The following TANC2 variants were observed in gnomAD, a reference collection of about 807,000 sequenced individuals.
The protein encoded by TANC2 is protein TANC2.
Under a neutral mutation model 210.5 loss-of-function variants are expected in TANC2, and 26 were observed. The observed-to-expected ratio is 0.12, with a 90% CI of 0.09 to 0.17. The LOEUF is 0.17. Among genes scored for constraint, TANC2 ranks in the 10% least tolerant of loss-of-function variants. The pLI is 1.00. For synonymous variants in TANC2, 931 were observed against 967.1 expected, an observed-to-expected ratio of 0.96 and a Z score of 0.69; for missense variants, 2,129 against 2,608.9, an observed-to-expected ratio of 0.82 and a Z score of 4.01.
rs567465203 is a variant in TANC2 at position 63,292,294 on chromosome 17, T to C, written c.1160-22094T>C. On this transcript the variant is annotated intron_variant, in intron 9 of 27. Transcript: ENST00000689528. ...AAAGATGGGCAGAAAGCAGGAGTCA[T>C]TAAAGATATATCAGGAGGAGAAGAC... 3.9e-5 allele frequency among the ~76,000 whole-genome samples: 6 copies of C among 152,156 alleles called. No individual in the cohort carries two copies. In the South Asian group the frequency reaches 1.2e-3, roughly 32 times the overall value.
intron 4 of TANC2, among the ~76,000 whole-genome samples, chr17:63,116,662 T>C (rs1463030097): frequency 1.3e-5 from 2 of 152,238 alleles, no homozygotes; most frequent in Non-Finnish European, 2.9e-5. Context: ...TGCTACTTTA[T>C]TAGTCAATCA....
chr17:63,289,949 C>G (rs112842258), intron 9 of TANC2, among the ~76,000 whole-genome samples: 11 of 152,106 alleles, frequency 7.2e-5, no homozygotes, highest in East Asian at 1.9e-4. Context: ...TCCTTCCCCC[C>G]CTTCAGTGGG....
At chr17:63,388,223 G>A (rs1249838508) in intron 15 of TANC2, 2 of 153,888 alleles carry the variant, frequency 1.3e-5, no homozygotes, top group Non-Finnish European at 2.9e-5. Context: ...TAACTGTAAA[G>A]GAGCCTGGGA....
At chr17:63,234,318 A>G (rs957750611) in intron 7 of TANC2, among the ~76,000 whole-genome samples, 8 of 152,172 alleles carry the variant, frequency 5.3e-5, no homozygotes, top group East Asian at 1.9e-4. Context: ...ATGTCCTCTC[A>G]TTACATTTTT....
At chr17:63,211,169 A>T (rs976674593) in intron 7 of TANC2, among the ~76,000 whole-genome samples, 8 of 152,188 alleles carry the variant, frequency 5.3e-5, no homozygotes, top group African/African-American at 1.7e-4. Flanking sequence ...TTGAAAATCA[A>T]TTACTCATTT....
intron 8 of TANC2, among the ~76,000 whole-genome samples, chr17:63,261,112 G>A (rs532775513): frequency 7.8e-4 from 118 of 152,114 alleles, no homozygotes; most frequent in Non-Finnish European, 1.3e-3. Flanking sequence ...AGTGGTGTGC[G>A]CCTGCCTTAG....
chr17:63,232,637 G>A (rs796226738), intron 7 of TANC2, among the ~76,000 whole-genome samples: 3 of 152,356 alleles, frequency 2.0e-5, no homozygotes, highest in African/African-American at 7.2e-5. Flanking sequence ...TCCTCTAGGA[G>A]CTCCATCCCA....
intron 8 of TANC2, among the ~76,000 whole-genome samples, chr17:63,256,160 G>A (rs543368595): frequency 4.6e-5 from 7 of 151,970 alleles, no homozygotes; most frequent in South Asian, 2.1e-4. Context: ...CACCTGCCTC[G>A]GCCTCCCAAA....
intron 9 of TANC2, among the ~76,000 whole-genome samples, chr17:63,277,436 T>C (rs1232353687): frequency 9.2e-5 from 14 of 152,090 alleles, no homozygotes; most frequent in Non-Finnish European, 2.1e-4. Flanking sequence ...TTCTCTGGTC[T>C]TTCTGTCATC....
chr17:63,278,476 TAAC>T (rs1324066663), intron 9 of TANC2, among the ~76,000 whole-genome samples: 8 of 152,010 alleles, frequency 5.3e-5, no homozygotes, highest in Admixed American at 2.6e-4. Flanking sequence ...AAAGAAAGAA[TAAC>T]AAGTGTTGGT....
chr17:63,348,964 G>A (rs929939069), intron 12 of TANC2, among the ~76,000 whole-genome samples: 1 of 152,062 alleles, frequency 6.6e-6, no homozygotes, highest in African/African-American at 2.4e-5. Context: ...AGCATTAGTA[G>A]CATTAGGAAA....
rs374848895 is a variant in TANC2 at position 63,259,203 on chromosome 17, A to G, written c.1034-8545A>G. 2.0e-4 allele frequency among the ~76,000 whole-genome samples: 31 copies of G among 152,260 alleles called. No homozygotes were observed. In the East Asian group the frequency reaches 4.4e-3, roughly 22 times the overall value. On this transcript the variant is annotated intron_variant, in intron 8 of 27. Coordinates refer to ENST00000689528, the Ensembl canonical transcript of TANC2. ...GTGGCTAAGCTGGTATCCAAGTTCCAAGACAAAGTCCTCTTTACTGTCTCC... is the reference window on the plus strand; with the variant it reads ...GTGGCTAAGCTGGTATCCAAGTTCCGAGACAAAGTCCTCTTTACTGTCTCC...
At chr17:63,231,623 A>C (rs1018555687) in intron 7 of TANC2, among the ~76,000 whole-genome samples, 5 of 152,158 alleles carry the variant, frequency 3.3e-5, no homozygotes, top group African/African-American at 1.2e-4. Context: ...TCTGCTGAGA[A>C]GTCCACGGTT....
Position 63,421,780 on chromosome 17 carries a change from A to G in TANC2, c.6050A>G (p.Asp2017Gly). Residue 2017 changes from aspartate to glycine, a missense_variant, in exon 28 of 28, where the codon GAC becomes GGC. Physicochemically the swap from Asp to Gly is moderately conservative, Grantham distance 94. This residue lies in a region of TANC2 where 161 missense variants were observed against 178.6 expected (regional missense o/e 0.90). Transcript: ENST00000689528. The surrounding 1 kb of genome is among the most constrained non-coding windows in gnomAD (Gnocchi z 6.9). ...ATGCTGGCTAACGGGTCTCGTGGAGACCTCTTGGAGCGAGTCAGCCAGGCC... is the reference window on the plus strand; with the variant it reads ...ATGCTGGCTAACGGGTCTCGTGGAGGCCTCTTGGAGCGAGTCAGCCAGGCC... 1 of 1,613,764 alleles carries G rather than the reference A, an allele frequency of 6.2e-7. No homozygotes were observed. The highest frequency in any genetic ancestry group is 8.5e-7 in the Non-Finnish European group (1 of 1,179,850).
chr17:63,304,263 G>A (rs932860004), intron 9 of TANC2, among the ~76,000 whole-genome samples: 1 of 152,132 alleles, frequency 6.6e-6, no homozygotes, highest in Admixed American at 6.6e-5. Flanking sequence ...CTTAGATGGG[G>A]TTTTTGTGGG....
At chr17:63,415,018 G>C (rs2048816254) in intron 25 of TANC2, among the ~76,000 whole-genome samples, 1 of 152,188 alleles carries the variant, frequency 6.6e-6, no homozygotes, top group Admixed American at 6.5e-5. Context: ...CATGAGATTA[G>C]GGAAGCAACT....
intron 1 of TANC2, chr17:62,968,540 A>G (rs968832664): frequency 6.6e-6 from 1 of 152,270 alleles, no homozygotes; most frequent in African/African-American, 2.4e-5. Flanking sequence ...GGAAAGGGCC[A>G]GAGGAGAATA....
intron 11 of TANC2, chr17:63,332,459 G>A (rs983729992): frequency 2.7e-5 from 11 of 401,560 alleles, no homozygotes; most frequent in Non-Finnish European, 5.5e-5. Flanking sequence ...CTCAAAGTGA[G>A]TAATCAGCAT....
At chr17:63,127,732 G>A (rs58515887) in intron 4 of TANC2, among the ~76,000 whole-genome samples, 8,765 of 152,132 alleles carry the variant, frequency 0.058, 384 homozygotes, top group African/African-American at 0.12. Context: ...CAAGCATGGT[G>A]GCATATGAAA....
Sources: gnomAD v4.1 joint callset for allele counts (sites outside exome capture counted in the v4.1 genomes callset) on GRCh38, gnomAD v4.1.1 for gene constraint, gnomAD v4.1.1 regional missense constraint, Gnocchi (gnomAD v3.1) non-coding constraint, MANE v1.5 for transcripts, NCBI Gene and HGNC (gene_info 2026-07-23, HGNC 2026-07-21) for gene names.